Variants in ZSCAN5A observed in about 807,000 individuals in gnomAD.
ZSCAN5A encodes the protein zinc finger and SCAN domain-containing protein 5A.
ZSCAN5A carries 12 observed loss-of-function variants against 23.7 expected under a neutral mutation model. The ratio of observed to expected loss-of-function variants is 0.51; its 90% CI spans 0.32 to 0.82. The LOEUF (loss-of-function observed/expected upper bound fraction) is 0.82, where lower values mean the gene tolerates loss of function less well. ZSCAN5A is among the 40% of genes least tolerant of loss of function. The pLI is 0.03. For missense variants in ZSCAN5A, 597 were observed against 617.9 expected, an observed-to-expected ratio of 0.97 and a Z score of 0.36; for synonymous variants, 257 against 239.9, an observed-to-expected ratio of 1.07 and a Z score of -0.66.
At chr19:56,267,181 T>G (rs936917666) in intron 2 of ZSCAN5A, among the ~76,000 whole-genome samples, 1 of 152,220 alleles carries the variant, frequency 6.6e-6, no homozygotes, top group Admixed American at 6.5e-5. Context: ...CACATGGCCC[T>G]ATTTCAGTTT....
chr19:56,230,635 G>A (rs202135034), intron 2 of ZSCAN5A, among the ~76,000 whole-genome samples: 23,145 of 134,090 alleles, frequency 0.17, 2,188 homozygotes, highest in Non-Finnish European at 0.24. Flanking sequence ...GTGTGTGTGT[G>A]TGTGTGTGTG....
chr19:56,246,823 G>C (rs1376441855), intron 2 of ZSCAN5A: 2 of 1,611,348 alleles, frequency 1.2e-6, no homozygotes, highest in Non-Finnish European at 1.7e-6. Flanking sequence ...CTGCGTTGTG[G>C]AGAGAGAAGC....
At chr19:56,305,303 T>C (rs1218507361) in intron 2 of ZSCAN5A, among the ~76,000 whole-genome samples, 4 of 152,222 alleles carry the variant, frequency 2.6e-5, no homozygotes, top group Admixed American at 6.5e-5. Context: ...AGAACTCACC[T>C]ACTCTGGTCA....
chr19:56,231,236 G>T lies in ZSCAN5A; in HGVS notation c.-127-6063C>A, dbSNP rs147592544. 6.5e-3 allele frequency among the ~76,000 whole-genome samples: 982 copies of T among 152,040 alleles called. 8 individuals carry two copies. The highest frequency in any genetic ancestry group is 0.023 in the African/African-American group (937 of 41,466). The stretch of plus-strand genomic sequence containing the variant: ...TCAAAAAATAAATGAATACATAAAT[G>T]TTCCCCTCATACAAAAAAGATAAGT... On this transcript the variant is annotated intron_variant, in intron 2 of 5. Coordinates refer to ENST00000683990, the MANE Select transcript of ZSCAN5A (RefSeq NM_001322064.3).
intron 2 of ZSCAN5A, among the ~76,000 whole-genome samples, chr19:56,300,253 T>C (rs1369385567): frequency 1.3e-5 from 2 of 152,110 alleles, no homozygotes; most frequent in East Asian, 3.8e-4. Flanking sequence ...CCCTTTTATA[T>C]AGCCAAGCAG....
At chr19:56,294,207 A>G (rs1252680089) in intron 2 of ZSCAN5A, among the ~76,000 whole-genome samples, 1 of 152,180 alleles carries the variant, frequency 6.6e-6, no homozygotes, top group Non-Finnish European at 1.5e-5. Flanking sequence ...GGAAAATCCC[A>G]AACACCTGCC....
chr19:56,326,614 A>G (rs1439500462), intron 2 of ZSCAN5A, among the ~76,000 whole-genome samples: 1 of 151,958 alleles, frequency 6.6e-6, no homozygotes, highest in Non-Finnish European at 1.5e-5. Flanking sequence ...TTCACTTCCC[A>G]TAGTGTACCG....
chr19:56,343,156 AT>A (rs1479742502), intron 2 of ZSCAN5A: 5 of 724,350 alleles, frequency 6.9e-6, no homozygotes, highest in Non-Finnish European at 1.2e-5. Context: ...CCTTTATTTC[AT>A]CTCTAATTGC....
At chr19:56,296,761 T>A (rs1483387857) in intron 2 of ZSCAN5A, among the ~76,000 whole-genome samples, 2 of 151,926 alleles carry the variant, frequency 1.3e-5, no homozygotes, top group Admixed American at 1.3e-4. Context: ...TGGCTGGGCA[T>A]GGTGGCTCAT....
rs2033144611 is a variant in ZSCAN5A, at chr19:56,221,467, CCT to C, written c.*106_*107del. ...CTGGCAATTCATATCTAGGGCACTC[CCT>C]CTGTGTGTCAGACGCCCTTGCATGT... is the stretch of plus-strand genomic sequence containing the variant. On this transcript the variant is annotated 3_prime_UTR_variant, in exon 6 of 6. Coordinates refer to ENST00000683990, the MANE Select transcript of ZSCAN5A (RefSeq NM_001322064.3). The C allele has an allele frequency of 7.2e-7, 1 of 1,380,018 alleles. No homozygotes were observed. Among genetic ancestry groups the C allele is most frequent in the Non-Finnish European group, 9.8e-7 (1 of 1,017,454 alleles). 85.5% of individuals were successfully genotyped at this position (1,380,018 alleles called of 1,614,324 possible).
chr19:56,351,923 G>A lies in ZSCAN5A; in HGVS notation c.-358+11312C>T, dbSNP rs779347261. ...AGCAATAATTTTACAGACCTGAGAC[G>A]TTTGCAAGATGAAATTGTGTTGCGG... is the stretch of plus-strand genomic sequence containing the variant. On this transcript the variant is annotated intron_variant, in intron 2 of 6. Transcript: ENST00000587340. This position sits in a 1 kb window ranked among gnomAD's most constrained non-coding sequence, Gnocchi z 4.8. Among the ~76,000 whole-genome samples the A allele has an allele frequency of 3.9e-5, 6 of 152,144 alleles. No homozygotes were observed. Among genetic ancestry groups the A allele is most frequent in the Non-Finnish European group, 7.4e-5 (5 of 68,026 alleles).
rs147192588 is a variant in ZSCAN5A at position 56,325,438 on chromosome 19, T to G, written c.-357-9170A>C. ...TGCTTTGTTTGGCCCAGATTCCAGT[T>G]GTATCTACTGGGAGAGGAATTATCC... is the stretch of plus-strand genomic sequence containing the variant. On this transcript the variant is annotated intron_variant, in intron 2 of 6. Coordinates refer to the ZSCAN5A transcript ENST00000587340. 2.5e-3 allele frequency among the ~76,000 whole-genome samples: 386 copies of G among 152,308 alleles called. 4 individuals carry two copies. Among genetic ancestry groups the G allele is most frequent in the Non-Finnish European group, 4.5e-3 (304 of 68,024 alleles).
intron 1 of ZSCAN5A, chr19:56,365,787 C>T (rs2041760083): frequency 6.6e-6 from 1 of 152,220 alleles, no homozygotes; most frequent in South Asian, 2.1e-4. Flanking sequence ...AAAACCTGAA[C>T]TCTAATTGAT....
At chr19:56,225,698 G>A (rs1263392514) in intron 2 of ZSCAN5A, among the ~76,000 whole-genome samples, 2 of 152,172 alleles carry the variant, frequency 1.3e-5, no homozygotes, top group Non-Finnish European at 2.9e-5. Flanking sequence ...TTGGTAAAAT[G>A]TACATTCATA....
intron 2 of ZSCAN5A, among the ~76,000 whole-genome samples, chr19:56,287,139 G>T (rs1028652747): frequency 3.3e-5 from 5 of 152,152 alleles, no homozygotes; most frequent in Non-Finnish European, 7.4e-5. Flanking sequence ...GACAGTTTCC[G>T]AGTTTTGTCC....
intron 2 of ZSCAN5A, among the ~76,000 whole-genome samples, chr19:56,237,479 GTAGGC>G (rs1244007850): frequency 6.6e-6 from 1 of 152,168 alleles, no homozygotes; most frequent in Non-Finnish European, 1.5e-5. Context: ...CGGGTTTAGG[GTAGGC>G]TAGGCTAAAC....
intron 2 of ZSCAN5A, chr19:56,302,785 GA>G: frequency 2.5e-6 from 1 of 397,412 alleles, no homozygotes; most frequent in Middle Eastern, 6.3e-4. Context: ...GGGCTCCTTT[GA>G]AATACTGTCA....
At chr19:56,258,616 G>A (rs1173128518) in intron 2 of ZSCAN5A, among the ~76,000 whole-genome samples, 2 of 151,896 alleles carry the variant, frequency 1.3e-5, no homozygotes, top group African/African-American at 2.4e-5. Flanking sequence ...GGGGGTGACC[G>A]ACACGCCTTC....
At chr19:56,366,798 T>C (rs10413341) in intron 1 of ZSCAN5A, among the ~76,000 whole-genome samples, 24,213 of 152,088 alleles carry the variant, frequency 0.16, 2,053 homozygotes, top group Middle Eastern at 0.3. Flanking sequence ...TGTGCCTAAG[T>C]TTATATATTA....
Sources: allele counts gnomAD v4.1 joint callset (sites outside exome capture counted in the v4.1 genomes callset), GRCh38; gene constraint gnomAD v4.1.1; non-coding constraint Gnocchi (gnomAD v3.1); transcripts MANE v1.5; gene names NCBI Gene and HGNC (gene_info 2026-07-23, HGNC 2026-07-21).